Variants in LRP1B observed in about 807,000 individuals in gnomAD.
LRP1B encodes the protein LDL receptor related protein 1B.
LRP1B carries 217 observed loss-of-function variants against 556.6 expected under a neutral mutation model. That is an observed-to-expected ratio of 0.39 (90% CI 0.35 to 0.44). LRP1B has a LOEUF of 0.44. Among genes scored for constraint, LRP1B ranks in the 20% least tolerant of loss-of-function variants. The probability of loss-of-function intolerance (pLI) is 1.00; values close to 1 mark genes in which losing one functional copy is unlikely to be tolerated. For missense variants in LRP1B, 5,053 were observed against 5,620.8 expected (o/e 0.90, Z 3.23); for synonymous variants, 2,047 against 1,865.8 (o/e 1.10, Z -2.50).
At chr2:142,109,556 G>A (rs1172757787) in intron 1 of LRP1B, among the ~76,000 whole-genome samples, 1 of 152,028 alleles carries the variant, frequency 6.6e-6, no homozygotes, top group Non-Finnish European at 1.5e-5. Context: ...GTTACTGTAA[G>A]CAATGCTTAT....
intron 35 of LRP1B, among the ~76,000 whole-genome samples, chr2:140,726,690 G>T (rs1687606216): frequency 6.6e-6 from 1 of 152,034 alleles, no homozygotes; most frequent in Non-Finnish European, 1.5e-5. Flanking sequence ...TAGATATTGT[G>T]AGCTCTGAAG....
rs565116687 is a variant in LRP1B at position 141,443,639 on chromosome 2, C to G, written c.343+36757G>C. Among the ~76,000 whole-genome samples the G allele has an allele frequency of 3.9e-5, 6 of 152,286 alleles. No homozygotes were observed. The East Asian group carries it at 7.7e-4, about 20-fold the overall frequency. The stretch of plus-strand genomic sequence containing the variant: ...AAGGAAGGGGTACAATTTCAGTTCT[C>G]TGCATATGTCTAGCCAGTTTTCTCA... On this transcript the variant is annotated intron_variant, in intron 3 of 90. Transcript: ENST00000389484.
chr2:140,465,720 C>CAAAAAAAA (rs34468644), intron 60 of LRP1B, among the ~76,000 whole-genome samples: 1 of 80,334 alleles, frequency 1.2e-5, no homozygotes, highest in Admixed American at 1.4e-4. Flanking sequence ...ATGACATTTG[C>CAAAAAAAA]AAAAAAAAAA....
intron 6 of LRP1B, among the ~76,000 whole-genome samples, chr2:141,225,806 G>A (rs566166607): frequency 6.6e-6 from 1 of 152,134 alleles, no homozygotes; most frequent in East Asian, 1.9e-4. Flanking sequence ...GATGTACAAT[G>A]TTAAATGTAG....
At chr2:141,485,355 G>A (rs988463411) in intron 2 of LRP1B, among the ~76,000 whole-genome samples, 1 of 152,102 alleles carries the variant, frequency 6.6e-6, no homozygotes, top group African/African-American at 2.4e-5. Flanking sequence ...AGCTACACTG[G>A]AGTAAATAGC....
In LRP1B at chr2:140,373,032, C is replaced by A. The variant is rs1683060986; in HGVS notation, c.10744G>T (p.Glu3582Ter). The change falls in exon 69 of 91, where the codon GAA (glutamate) becomes TAA (stop). Residue 3582 changes from glutamate to a stop codon, truncating the protein, a stop_gained. Coordinates refer to ENST00000389484, the MANE Select transcript of LRP1B (RefSeq NM_018557.3). LOFTEE classifies it high-confidence loss of function. ...CCTGGCTCACAGCTTTTCTCATCTT[C>A]CCCATATTTGCAGTCTTCATGGCCA... Reference protein sequence around the residue: ...CDGHEDCKYGEDEKSCEPASP... With the variant: ...CDGHEDCKYG 6.2e-7 allele frequency: 1 copy of A among 1,613,448 alleles called. No individual in the cohort carries two copies. Among genetic ancestry groups the A allele is most frequent in the Middle Eastern group, 1.7e-4 (1 of 6,052 alleles).
intron 18 of LRP1B, among the ~76,000 whole-genome samples, chr2:140,968,686 T>C (rs934506357): frequency 2.0e-5 from 3 of 152,194 alleles, no homozygotes; most frequent in African/African-American, 7.2e-5. Flanking sequence ...AATTTCCCTC[T>C]ACACACTGCT....
rs764441328 is a variant in LRP1B at position 140,442,628 on chromosome 2, G to C, written c.10295-5C>G. 4.3e-6 allele frequency: 7 copies of C among 1,611,264 alleles called. No homozygotes were observed. The highest frequency in any genetic ancestry group is 5.9e-6 in the Non-Finnish European group (7 of 1,179,108). Reference sequence around the variant, plus strand: ...CTGGAGAACAGCTGTTTTCAGCTTAGAAAGAAAACTGCCATTAAAATGTAG... The same window carrying C: ...CTGGAGAACAGCTGTTTTCAGCTTACAAAGAAAACTGCCATTAAAATGTAG... On this transcript the variant is annotated splice_polypyrimidine_tract_variant and splice_region_variant and intron_variant, in intron 65 of 90. Transcript: ENST00000389484.
Position 141,821,176 on chromosome 2 carries a change from T to C in LRP1B, c.83-10775A>G, listed in dbSNP as rs565077357. 2.6e-4 allele frequency among the ~76,000 whole-genome samples: 39 copies of C among 152,360 alleles called. No homozygotes were observed. The East Asian group carries it at 7.5e-3, about 29-fold the overall frequency. Reference sequence around the variant, plus strand: ...AAAGAACTCAGCCCATTGAGCACTCTTCAGGCTTCTGACTCCCACGCTGTA... The same window carrying C: ...AAAGAACTCAGCCCATTGAGCACTCCTCAGGCTTCTGACTCCCACGCTGTA... On this transcript the variant is annotated intron_variant, in intron 1 of 90. Transcript: ENST00000389484.
chr2:140,916,080 G>A (rs1694570978), intron 21 of LRP1B, among the ~76,000 whole-genome samples: 1 of 151,928 alleles, frequency 6.6e-6, no homozygotes, highest in Non-Finnish European at 1.5e-5. Context: ...GAAAAATATA[G>A]GAGGCTCATA....
At chr2:141,829,009 A>G (rs1404921979) in intron 1 of LRP1B, among the ~76,000 whole-genome samples, 1 of 152,106 alleles carries the variant, frequency 6.6e-6, no homozygotes, top group Non-Finnish European at 1.5e-5. Flanking sequence ...AACAGTTACT[A>G]GCACATATAA....
chr2:140,333,541 T>A (rs1340184156), intron 79 of LRP1B, among the ~76,000 whole-genome samples: 3 of 151,868 alleles, frequency 2.0e-5, no homozygotes, highest in African/African-American at 7.3e-5. Flanking sequence ...GTAAAAACAA[T>A]CTAAATGAAT....
In LRP1B at chr2:141,052,847, A is replaced by G. The variant is rs577345544; in HGVS notation, c.1552+2269T>C. 3.9e-5 allele frequency among the ~76,000 whole-genome samples: 6 copies of G among 152,052 alleles called. No homozygotes were observed. The South Asian group carries it at 1.2e-3, about 32-fold the overall frequency. The stretch of plus-strand genomic sequence containing the variant: ...GAGACTAGGTTTTGCAATGTTGCCC[A>G]GGCTCTTATTGAAATCCTGGGCTCA... On this transcript the variant is annotated intron_variant, in intron 10 of 90. Coordinates refer to ENST00000389484, the MANE Select transcript of LRP1B (RefSeq NM_018557.3).
chr2:140,743,227 C>T (rs1688198224), intron 35 of LRP1B, among the ~76,000 whole-genome samples: 1 of 152,092 alleles, frequency 6.6e-6, no homozygotes, highest in East Asian at 1.9e-4. Flanking sequence ...GTGCAGCTCT[C>T]TAAACTACTT....
chr2:140,776,709 T>C (rs1222462331), intron 32 of LRP1B, among the ~76,000 whole-genome samples: 1 of 152,096 alleles, frequency 6.6e-6, no homozygotes, highest in Non-Finnish European at 1.5e-5. Context: ...TAAAAGTGTG[T>C]AAGCTTTTGA....
chr2:141,814,035 G>A (rs756715822), intron 1 of LRP1B, among the ~76,000 whole-genome samples: 1 of 152,128 alleles, frequency 6.6e-6, no homozygotes, highest in Non-Finnish European at 1.5e-5. Flanking sequence ...AGAAGTGAAG[G>A]CTTGGCCCGC....
chr2:141,912,019 T>C (rs1335474000), intron 1 of LRP1B, among the ~76,000 whole-genome samples: 13 of 152,336 alleles, frequency 8.5e-5, no homozygotes. Context: ...GTCTCTGAAA[T>C]GTCTTTTCTT....
intron 2 of LRP1B, among the ~76,000 whole-genome samples, chr2:141,753,112 G>A (rs931665534): frequency 2.0e-5 from 3 of 147,896 alleles, no homozygotes; most frequent in Admixed American, 6.7e-5. Context: ...GCTGGGCATG[G>A]TGGCATATGC....
At chr2:140,387,820 G>A (rs1225728821) in intron 66 of LRP1B, among the ~76,000 whole-genome samples, 1 of 151,810 alleles carries the variant, frequency 6.6e-6, no homozygotes, top group African/African-American at 2.4e-5. Context: ...ATGAGGTTTT[G>A]TACTGAACAA....
Sources: gnomAD v4.1 joint callset for allele counts (sites outside exome capture counted in the v4.1 genomes callset) on GRCh38, gnomAD v4.1.1 for gene constraint, MANE v1.5 for transcripts, NCBI Gene and HGNC (gene_info 2026-07-23, HGNC 2026-07-21) for gene names.